RETREG1: variants seen among roughly 807,000 people sequenced by gnomAD.
RETREG1 encodes reticulophagy regulator 1.
In RETREG1, 44 loss-of-function variants were observed where a neutral mutation model predicts 54.8. That is an observed-to-expected ratio of 0.80 (90% CI 0.63 to 1.03). The LOEUF (loss-of-function observed/expected upper bound fraction) is 1.03, where lower values mean the gene tolerates loss of function less well. Among genes scored for constraint, RETREG1 ranks in the 50% least tolerant of loss-of-function variants. RETREG1 has a pLI of 0.00. For synonymous variants in RETREG1, 217 were observed against 238.5 expected, an observed-to-expected ratio of 0.91 and a Z score of 0.83; for missense variants, 554 against 605.1, an observed-to-expected ratio of 0.92 and a Z score of 0.89.
intron 1 of RETREG1, among the ~76,000 whole-genome samples, chr5:16,599,196 C>T (rs757981575): frequency 1.3e-5 from 2 of 152,124 alleles, no homozygotes; most frequent in Non-Finnish European, 2.9e-5. Flanking sequence ...AACAGAGCAG[C>T]ACCCTGTCTC....
At chr5:16,522,077 TCTC>T (rs1410612125) in intron 3 of RETREG1, among the ~76,000 whole-genome samples, 2 of 145,472 alleles carry the variant, frequency 1.4e-5, no homozygotes. Flanking sequence ...TGAAAGGACT[TCTC>T]CTCCAAGCAA....
intron 1 of RETREG1, among the ~76,000 whole-genome samples, chr5:16,608,396 C>G (rs1388884823): frequency 6.6e-6 from 1 of 152,208 alleles, no homozygotes. Flanking sequence ...TCTCCCATTT[C>G]TTCCTGAGTT....
At position 16,479,011 on chromosome 5, in the gene RETREG1, G is replaced by GTA. The variant is rs762704862; in HGVS notation, c.671-26_671-25dup. ...TACTGAAAGAAGAAAGAGAGCAGAG[G>GTA]TAAAATGCCTTTCCTTTCAAAAGGC... On this transcript the variant is annotated intron_variant, in intron 5 of 8. Coordinates refer to ENST00000306320, the MANE Select transcript of RETREG1 (RefSeq NM_001034850.3). 3.7e-6 allele frequency: 6 copies of GTA among 1,609,226 alleles called. No homozygotes were observed. In the East Asian group the frequency reaches 1.3e-4, roughly 36 times the overall value.
Position 16,585,597 on chromosome 5 carries a change from C to T in RETREG1, c.321-13495G>A, listed in dbSNP as rs966359093. ...GGCGGGTGAGTCAAGTTCTGCAGCC[C>T]ACTCCAGCTGAGCTAGGTACTAGGC... On this transcript the variant is annotated intron_variant, in intron 1 of 8. Coordinates refer to ENST00000306320, the MANE Select transcript of RETREG1 (RefSeq NM_001034850.3). This position sits in a 1 kb window ranked among gnomAD's most constrained non-coding sequence, Gnocchi z 4.5. Among the ~76,000 whole-genome samples, 6 of 152,180 alleles carry T rather than the reference C, an allele frequency of 3.9e-5. No individual in the cohort carries two copies. Among genetic ancestry groups the T allele is most frequent in the Admixed American group, 2.0e-4 (3 of 15,272 alleles).
chr5:16,478,735 T>A, intron 6 of RETREG1, 115 bp downstream of exon 6: 1 of 952,918 alleles, frequency 1.0e-6, no homozygotes, highest in Non-Finnish European at 1.6e-6. Flanking sequence ...TTAGCTTCTA[T>A]AATAATATTT....
chr5:16,548,700 A>G (rs939237120), intron 3 of RETREG1, among the ~76,000 whole-genome samples: 1 of 152,242 alleles, frequency 6.6e-6, no homozygotes, highest in African/African-American at 2.4e-5. Context: ...TCTTGAGAAT[A>G]CTGTTATAAC....
At chr5:16,538,728 G>A (rs1338488138) in intron 3 of RETREG1, among the ~76,000 whole-genome samples, 1 of 151,076 alleles carries the variant, frequency 6.6e-6, no homozygotes, top group East Asian at 1.9e-4. Context: ...TAATTGAGAC[G>A]GAGTCTCGCT....
chr5:16,485,514 A>T (rs1356169919), intron 3 of RETREG1, among the ~76,000 whole-genome samples: 1 of 152,198 alleles, frequency 6.6e-6, no homozygotes, highest in Non-Finnish European at 1.5e-5. Flanking sequence ...CAGATGCTGG[A>T]ACTTTGTTCT....
chr5:16,589,021 G>A (rs571793308), intron 1 of RETREG1, among the ~76,000 whole-genome samples: 4 of 152,310 alleles, frequency 2.6e-5, no homozygotes, highest in African/African-American at 4.8e-5. Flanking sequence ...GGGTCACTCC[G>A]TGCATGCACA....
At position 16,616,763 on chromosome 5, in the gene RETREG1, C is replaced by T; in HGVS notation, c.209G>A (p.Trp70Ter). ...AAGRAAAAVT[W>*]LLGEPVLWLG... is the part of the protein sequence containing the mutation. ...CCACAGCACCGGCTCCCCGAGCAGC[C>T]AGGTTACCGCGGCCGCCGCCCGGCC... Residue 70 changes from tryptophan to a stop codon, truncating the protein, a stop_gained, in exon 1 of 9, where the codon TGG becomes TAG. Transcript: ENST00000306320. LOFTEE classifies it high-confidence loss of function. 1 of 1,554,894 alleles carries T rather than the reference C, an allele frequency of 6.4e-7. No homozygotes were observed. The highest frequency in any genetic ancestry group is 8.6e-7 in the Non-Finnish European group (1 of 1,158,226).
Position 16,554,386 on chromosome 5 carries a change from G to A in RETREG1, c.458+11377C>T, listed in dbSNP as rs190095132. 7.2e-5 allele frequency among the ~76,000 whole-genome samples: 11 copies of A among 152,232 alleles called. No homozygotes were observed. In the East Asian group the frequency reaches 1.2e-3, roughly 16 times the overall value. On this transcript the variant is annotated intron_variant, in intron 3 of 8. Transcript: ENST00000306320. ...GCCTCTCCACAGCAGCTTGGGAGCC[G>A]GAGCCCTGGGCACTCAGGTGAACTA...
intron 1 of RETREG1, among the ~76,000 whole-genome samples, chr5:16,580,860 C>G (rs1304228941): frequency 6.6e-6 from 1 of 152,148 alleles, no homozygotes; most frequent in Non-Finnish European, 1.5e-5. Flanking sequence ...GTCAATAACC[C>G]CCTTCCCAGA....
At chr5:16,520,421 C>T (rs1188229695) in intron 3 of RETREG1, among the ~76,000 whole-genome samples, 2 of 152,078 alleles carry the variant, frequency 1.3e-5, no homozygotes, top group Non-Finnish European at 2.9e-5. Flanking sequence ...CCTCCGTCTC[C>T]CGCGTTCAAG....
At chr5:16,539,036 T>C (rs1202483210) in intron 3 of RETREG1, among the ~76,000 whole-genome samples, 1 of 152,202 alleles carries the variant, frequency 6.6e-6, no homozygotes. Context: ...TTAGACTCAC[T>C]CTGCATTCCA....
At chr5:16,479,655 A>ATCATTTG (rs1375603778) in intron 5 of RETREG1, among the ~76,000 whole-genome samples, 11 of 152,196 alleles carry the variant, frequency 7.2e-5, no homozygotes, top group African/African-American at 2.4e-4. Flanking sequence ...TTGAGCTCTG[A>ATCATTTG]CCATTTGCCA....
At chr5:16,567,027 CTTGT>C (rs1429563992) in intron 2 of RETREG1, among the ~76,000 whole-genome samples, 1 of 152,182 alleles carries the variant, frequency 6.6e-6, no homozygotes, top group African/African-American at 2.4e-5. Flanking sequence ...TGGGCATTGG[CTTGT>C]TTGTTTTATT....
At chr5:16,596,609 T>C (rs558346408) in intron 1 of RETREG1, among the ~76,000 whole-genome samples, 119 of 152,348 alleles carry the variant, frequency 7.8e-4, no homozygotes, top group African/African-American at 2.8e-3. Context: ...TTTCATTCAG[T>C]TAAGCACAGC....
chr5:16,549,687 A>C (rs1002861976), intron 3 of RETREG1, among the ~76,000 whole-genome samples: 1 of 152,228 alleles, frequency 6.6e-6, no homozygotes, highest in African/African-American at 2.4e-5. Flanking sequence ...AAAGTATTTA[A>C]ATGTGCAATT....
At chr5:16,518,410 G>A (rs867541404) in intron 3 of RETREG1, among the ~76,000 whole-genome samples, 19 of 150,936 alleles carry the variant, frequency 1.3e-4, no homozygotes, top group Non-Finnish European at 2.1e-4. Context: ...AGGAGAAAAA[G>A]AGAAAGAAAA....
Sources: allele counts gnomAD v4.1 joint callset (sites outside exome capture counted in the v4.1 genomes callset), GRCh38; gene constraint gnomAD v4.1.1; non-coding constraint Gnocchi (gnomAD v3.1); transcripts MANE v1.5; gene names NCBI Gene and HGNC (gene_info 2026-07-23, HGNC 2026-07-21).